NPAS3: variants seen among roughly 807,000 people sequenced by gnomAD.
The protein encoded by NPAS3 is neuronal PAS domain protein 3, also known as neuronal PAS domain-containing protein 3.
NPAS3 carries 14 observed loss-of-function variants against 73.1 expected under a neutral mutation model. The ratio of observed to expected loss-of-function variants is 0.19; its 90% confidence interval spans 0.13 to 0.30. NPAS3 has a LOEUF of 0.30. Among genes scored for constraint, NPAS3 ranks in the 10% least tolerant of loss-of-function variants. The pLI is 1.00. For synonymous variants in NPAS3, 620 were observed against 541.5 expected (o/e 1.14, Z -2.01); for missense variants, 1,096 against 1,250.0 (o/e 0.88, Z 1.86).
At position 33,155,241 on chromosome 14, in the gene NPAS3, G is replaced by A. The variant is rs144316407; in HGVS notation, c.141-59941G>A. ...TTGAAATTGGGATGGCTTTGCTCAA[G>A]CTTTTGTGTTGATGGGAGAATTATT... On this transcript the variant is annotated intron_variant, in intron 2 of 11. Transcript: ENST00000356141. 4.6e-3 allele frequency among the ~76,000 whole-genome samples: 705 copies of A among 152,278 alleles called. 1 individual carries two copies. The highest frequency in any genetic ancestry group is 0.017 in the Middle Eastern group (5 of 294).
At chr14:33,248,040 C>A (rs2048452361) in intron 3 of NPAS3, among the ~76,000 whole-genome samples, 1 of 152,210 alleles carries the variant, frequency 6.6e-6, no homozygotes, top group African/African-American at 2.4e-5. Flanking sequence ...TAAGTTCAAT[C>A]CATGCAGGGC....
chr14:33,530,557 AC>A (rs1332941369), intron 4 of NPAS3, among the ~76,000 whole-genome samples: 17 of 151,922 alleles, frequency 1.1e-4, no homozygotes, highest in African/African-American at 4.1e-4. Context: ...AGTTTGAAAA[AC>A]CCTTGACACA....
intron 5 of NPAS3, among the ~76,000 whole-genome samples, chr14:33,664,250 C>G (rs1260287138): frequency 2.0e-5 from 3 of 152,104 alleles, no homozygotes; most frequent in Admixed American, 2.0e-4. Context: ...ACAAACCTGA[C>G]AAAAGCAAGC....
At chr14:33,718,451 T>TTA (rs1367715684) in intron 6 of NPAS3, among the ~76,000 whole-genome samples, 1 of 152,202 alleles carries the variant, frequency 6.6e-6, no homozygotes, top group Non-Finnish European at 1.5e-5. Flanking sequence ...TCTTACTATC[T>TTA]TATAGTCAGG....
chr14:33,073,637 C>T (rs2138666376), intron 2 of NPAS3, among the ~76,000 whole-genome samples: 1 of 152,282 alleles, frequency 6.6e-6, no homozygotes, highest in South Asian at 2.1e-4. Flanking sequence ...CACGTCTGTA[C>T]ATGACAAACA....
At chr14:33,671,301 C>A (rs1888043) in intron 5 of NPAS3, among the ~76,000 whole-genome samples, 3 of 151,890 alleles carry the variant, frequency 2.0e-5, no homozygotes, top group African/African-American at 7.3e-5. Flanking sequence ...ACAAATTAGC[C>A]CCCCCATCCT....
At chr14:33,224,288 A>G (rs1489747873) in intron 3 of NPAS3, among the ~76,000 whole-genome samples, 2 of 152,186 alleles carry the variant, frequency 1.3e-5, no homozygotes, top group Non-Finnish European at 2.9e-5. Flanking sequence ...TCATAAGCAT[A>G]GCAAAGAAGG....
chr14:33,100,713 G>A lies in NPAS3; in HGVS notation c.140+44719G>A, dbSNP rs148462745. Among the ~76,000 whole-genome samples, 26 of 152,178 alleles carry A rather than the reference G, an allele frequency of 1.7e-4. No individual in the cohort carries two copies. The East Asian group carries it at 4.8e-3, about 28-fold the overall frequency. On this transcript the variant is annotated intron_variant, in intron 2 of 11. Coordinates refer to ENST00000356141, the Ensembl canonical transcript of NPAS3. ...ACATAAATTATTTTTAGTGCATATT[G>A]TCCCCTGATCTATGTTTTACAGTGT...
At chr14:33,438,846 A>T (rs1214150505) in intron 4 of NPAS3, among the ~76,000 whole-genome samples, 1 of 152,224 alleles carries the variant, frequency 6.6e-6, no homozygotes, top group Non-Finnish European at 1.5e-5. Flanking sequence ...AGGCATGGGC[A>T]CACCTAAAAT....
chr14:33,336,081 G>T (rs1443565198), intron 3 of NPAS3, among the ~76,000 whole-genome samples: 2 of 152,110 alleles, frequency 1.3e-5, no homozygotes, highest in Middle Eastern at 6.3e-3. Flanking sequence ...GAGGGTTCCA[G>T]GTTTTTTGTC....
chr14:33,495,272 T>C lies in NPAS3; in HGVS notation c.469-64849T>C, dbSNP rs1431938444. On this transcript the variant is annotated intron_variant, in intron 4 of 11. Coordinates refer to ENST00000356141, the Ensembl canonical transcript of NPAS3. ...CAGGAGCAGGTTGTTCAGTTTTCCGTGTAGTTGTGCGGTTTTGAATGAGTT... is the reference window on the plus strand; with the variant it reads ...CAGGAGCAGGTTGTTCAGTTTTCCGCGTAGTTGTGCGGTTTTGAATGAGTT... Among the ~76,000 whole-genome samples the C allele has an allele frequency of 3.3e-5, 5 of 152,132 alleles. No individual in the cohort carries two copies. The South Asian group carries it at 8.3e-4, about 25-fold the overall frequency.
At chr14:33,397,669 G>A (rs2047280911) in intron 4 of NPAS3, among the ~76,000 whole-genome samples, 1 of 152,112 alleles carries the variant, frequency 6.6e-6, no homozygotes, top group Non-Finnish European at 1.5e-5. Flanking sequence ...CCCAAGACAT[G>A]TAGGAGACAG....
At chr14:33,431,934 G>T (rs1285328394) in intron 4 of NPAS3, among the ~76,000 whole-genome samples, 1 of 151,918 alleles carries the variant, frequency 6.6e-6, no homozygotes, top group African/African-American at 2.4e-5. Flanking sequence ...CATGTGAAAG[G>T]TATTAGTCTG....
chr14:33,737,448 C>A (rs541119463), intron 7 of NPAS3, among the ~76,000 whole-genome samples: 1 of 152,222 alleles, frequency 6.6e-6, no homozygotes, highest in East Asian at 1.9e-4. Context: ...CAGATCCCAT[C>A]GAATCATGCA....
At chr14:33,783,765 T>C (rs76094648) in intron 9 of NPAS3, among the ~76,000 whole-genome samples, 3,781 of 152,162 alleles carry the variant, frequency 0.025, 142 homozygotes, top group African/African-American at 0.078. Context: ...CAGCACCCCC[T>C]GGGAACTCAG....
intron 3 of NPAS3, among the ~76,000 whole-genome samples, chr14:33,351,701 T>C (rs987125017): frequency 6.6e-6 from 1 of 152,194 alleles, no homozygotes; most frequent in Non-Finnish European, 1.5e-5. Flanking sequence ...TCAGCTATAG[T>C]CTTGAGGATT....
intron 5 of NPAS3, among the ~76,000 whole-genome samples, chr14:33,618,010 G>A (rs4616202): frequency 0.24 from 36,959 of 152,068 alleles, 7,021 homozygotes; most frequent in African/African-American, 0.54. Flanking sequence ...GAGACACAGC[G>A]GGGACTCAAC....
In NPAS3 at chr14:33,099,208, C is replaced by A. The variant is rs114455094; in HGVS notation, c.140+43214C>A. Among the ~76,000 whole-genome samples, 751 of 152,256 alleles carry A rather than the reference C, an allele frequency of 4.9e-3. 5 individuals carry two copies. The highest frequency in any genetic ancestry group is 0.017 in the African/African-American group (721 of 41,526). On this transcript the variant is annotated intron_variant, in intron 2 of 11. Coordinates refer to ENST00000356141, the Ensembl canonical transcript of NPAS3. Reference sequence around the variant, plus strand: ...ACTACTTGGCTCTCCTGTGACTGCTCAGCTTTAGCAAAGGTGCCAGTATAA... The same window carrying A: ...ACTACTTGGCTCTCCTGTGACTGCTAAGCTTTAGCAAAGGTGCCAGTATAA...
At chr14:33,478,589 A>T (rs1356999696) in intron 4 of NPAS3, among the ~76,000 whole-genome samples, 1 of 152,122 alleles carries the variant, frequency 6.6e-6, no homozygotes, top group African/African-American at 2.4e-5. Flanking sequence ...TCATACCTGG[A>T]ATTCTATTGT....
Sources: gnomAD v4.1 joint callset for allele counts (sites outside exome capture counted in the v4.1 genomes callset) on GRCh38, gnomAD v4.1.1 for gene constraint, MANE v1.5 for transcripts, NCBI Gene and HGNC (gene_info 2026-07-23, HGNC 2026-07-21) for gene names.